The following EYS variants were observed in gnomAD, a reference collection of about 807,000 sequenced individuals.
The protein encoded by EYS is EGF-like photoreceptor maintenance factor.
In EYS, 250 loss-of-function variants were observed where a neutral mutation model predicts 282.1. That is an observed-to-expected ratio of 0.89 (90% confidence interval 0.80 to 0.98). The LOEUF (loss-of-function observed/expected upper bound fraction) is 0.98. EYS is among the 50% of genes least tolerant of loss of function. The pLI is 0.00. For synonymous variants in EYS, 1,355 were observed against 1,282.9 expected, an observed-to-expected ratio of 1.06 and a Z score of -1.20; for missense variants, 4,016 against 3,709.0, an observed-to-expected ratio of 1.08 and a Z score of -2.15.
At chr6:63,735,670 G>A (rs1401682056) in intron 41 of EYS, among the ~76,000 whole-genome samples, 1 of 152,084 alleles carries the variant, frequency 6.6e-6, no homozygotes, top group Non-Finnish European at 1.5e-5. Context: ...AGTCAACATT[G>A]ATACAACACT....
intron 12 of EYS, among the ~76,000 whole-genome samples, chr6:65,253,901 A>G (rs956524222): frequency 3.3e-5 from 5 of 151,942 alleles, no homozygotes; most frequent in Admixed American, 2.0e-4. Context: ...CCCCAATACA[A>G]TATAAATTCT....
chr6:64,821,256 T>C (rs752344697), intron 21 of EYS, among the ~76,000 whole-genome samples: 3 of 152,134 alleles, frequency 2.0e-5, no homozygotes, highest in Non-Finnish European at 4.4e-5. Flanking sequence ...TCTGAATTAA[T>C]TGAATCCTAT....
At chr6:64,044,488 G>A (rs1428211104) in intron 33 of EYS, among the ~76,000 whole-genome samples, 3 of 152,190 alleles carry the variant, frequency 2.0e-5, no homozygotes, top group Admixed American at 6.5e-5. Flanking sequence ...GTTCACTTAT[G>A]AGGTAAAGCA....
At chr6:64,857,357 C>T (rs1034641586) in intron 19 of EYS, among the ~76,000 whole-genome samples, 4 of 152,076 alleles carry the variant, frequency 2.6e-5, no homozygotes, top group African/African-American at 9.7e-5. Context: ...AATAATGTGG[C>T]ATTTGTCTTT....
chr6:65,612,585 C>T (rs1766038408), intron 2 of EYS, among the ~76,000 whole-genome samples: 1 of 151,506 alleles, frequency 6.6e-6, no homozygotes, highest in African/African-American at 2.4e-5. Flanking sequence ...ATTTCTATTG[C>T]TGAGTTAACT....
chr6:65,544,407 T>C (rs1411858), intron 2 of EYS, among the ~76,000 whole-genome samples: 112,943 of 151,568 alleles, frequency 0.75, 42,859 homozygotes, highest in African/African-American at 0.89. Context: ...CTGGCTGTGT[T>C]CCCTCCCAAA....
chr6:64,625,534 G>A (rs1184396625), intron 23 of EYS, among the ~76,000 whole-genome samples: 1 of 152,026 alleles, frequency 6.6e-6, no homozygotes, highest in East Asian at 1.9e-4. Flanking sequence ...AGCTCTCTAG[G>A]GTCTACTTTA....
At chr6:64,943,003 C>G (rs562224940) in intron 15 of EYS, among the ~76,000 whole-genome samples, 1 of 151,932 alleles carries the variant, frequency 6.6e-6, no homozygotes, top group East Asian at 1.9e-4. Flanking sequence ...GGCAGCACAT[C>G]AAAAAGTTAA....
At chr6:63,818,397 T>G (rs1386646273) in intron 36 of EYS, among the ~76,000 whole-genome samples, 2 of 151,470 alleles carry the variant, frequency 1.3e-5, no homozygotes, top group African/African-American at 4.8e-5. Context: ...AAAGATGTAG[T>G]TTTTTTTTCC....
intron 22 of EYS, among the ~76,000 whole-genome samples, chr6:64,758,157 CT>C (rs1188997152): frequency 6.6e-6 from 1 of 152,048 alleles, no homozygotes; most frequent in Non-Finnish European, 1.5e-5. Flanking sequence ...CAGTCTTGTG[CT>C]TTGTTCTTTG....
intron 31 of EYS, among the ~76,000 whole-genome samples, chr6:64,129,481 G>GT (rs1460852294): frequency 2.6e-5 from 4 of 152,024 alleles, no homozygotes; most frequent in African/African-American, 4.8e-5. Context: ...GGGGTTCTTT[G>GT]TTTTTTTCTT....
chr6:64,595,264 C>A (rs1332671433), intron 24 of EYS, among the ~76,000 whole-genome samples: 1 of 151,976 alleles, frequency 6.6e-6, no homozygotes, highest in Non-Finnish European at 1.5e-5. Context: ...AAAGTCTCAA[C>A]AAATTTGGCA....
chr6:64,512,559 GA>G (rs1777443005), intron 26 of EYS, among the ~76,000 whole-genome samples: 1 of 151,668 alleles, frequency 6.6e-6, no homozygotes, highest in Non-Finnish European at 1.5e-5. Context: ...AGAGAGAAGA[GA>G]AAATCAGCCT....
intron 5 of EYS, among the ~76,000 whole-genome samples, chr6:65,412,435 G>C (rs1767058002): frequency 1.3e-5 from 2 of 152,120 alleles, no homozygotes; most frequent in African/African-American, 4.8e-5. Context: ...GGCTGTACTA[G>C]TTTACATTTT....
chr6:65,592,987 T>A (rs1330084535), intron 2 of EYS, among the ~76,000 whole-genome samples: 1 of 151,990 alleles, frequency 6.6e-6, no homozygotes, highest in Non-Finnish European at 1.5e-5. Flanking sequence ...TTCCAGTAAC[T>A]CCAGCAATAG....
At chr6:65,635,319 C>G (rs890109923) in intron 2 of EYS, among the ~76,000 whole-genome samples, 6 of 152,126 alleles carry the variant, frequency 3.9e-5, no homozygotes, top group Non-Finnish European at 8.8e-5. Context: ...GAGCCCAAAG[C>G]AGGGTTTAAA....
At chr6:65,133,247 A>C (rs1581939800) in intron 12 of EYS, among the ~76,000 whole-genome samples, 1 of 152,020 alleles carries the variant, frequency 6.6e-6, no homozygotes, top group African/African-American at 2.4e-5. Flanking sequence ...AAAAGTGCCC[A>C]CATAACCAAG....
At chr6:63,736,812 A>G (rs1346108582) in intron 41 of EYS, among the ~76,000 whole-genome samples, 1 of 151,474 alleles carries the variant, frequency 6.6e-6, no homozygotes, top group African/African-American at 2.4e-5. Context: ...CGTCCCTTGT[A>G]AGTTGGATTC....
At position 64,854,581 on chromosome 6, in the gene EYS, G is replaced by A. The variant is rs1765995683; in HGVS notation, c.2993-31759C>T. Reference sequence around the variant, plus strand: ...CACAGGAAGGGGAACATCACACACGGGGGCCTGTTGTGGGGTGGGGGGAGG... The same window carrying A: ...CACAGGAAGGGGAACATCACACACGAGGGCCTGTTGTGGGGTGGGGGGAGG... On this transcript the variant is annotated intron_variant, in intron 19 of 42. Transcript: ENST00000503581. 2.8e-5 allele frequency among the ~76,000 whole-genome samples: 4 copies of A among 140,468 alleles called. No homozygotes were observed. The Admixed American group carries it at 2.9e-4, about 10-fold the overall frequency. 92.2% of individuals were successfully genotyped at this position (140,468 alleles called of 152,430 possible).
Sources: gnomAD v4.1 joint callset for allele counts (sites outside exome capture counted in the v4.1 genomes callset) on GRCh38, gnomAD v4.1.1 for gene constraint, MANE v1.5 for transcripts, NCBI Gene and HGNC (gene_info 2026-07-23, HGNC 2026-07-21) for gene names.